The following MYLK variants were observed in gnomAD, a reference collection of about 807,000 sequenced individuals.
MYLK encodes myosin light chain kinase, smooth muscle.
MYLK carries 106 observed loss-of-function variants against 203.4 expected under a neutral mutation model. The ratio of observed to expected loss-of-function variants is 0.52; its 90% CI spans 0.45 to 0.61. MYLK has a LOEUF of 0.61. MYLK is among the 20% of genes least tolerant of loss of function. MYLK has a pLI of 0.00. For synonymous variants in MYLK, 867 were observed against 959.5 expected (o/e 0.90, Z 1.78); for missense variants, 2,072 against 2,442.3 (o/e 0.85, Z 3.20).
intron 24 of MYLK, among the ~76,000 whole-genome samples, chr3:123,653,984 T>TG (rs1191970021): frequency 6.5e-3 from 617 of 95,246 alleles, no homozygotes; most frequent in Non-Finnish European, 9.1e-3. Flanking sequence ...TTCAGAGGGA[T>TG]GTTGTGTGTG....
chr3:123,773,277 G>C (rs1457109629), intron 4 of MYLK, among the ~76,000 whole-genome samples: 2 of 151,534 alleles, frequency 1.3e-5, no homozygotes, highest in Admixed American at 6.6e-5. Flanking sequence ...TGTTACAATA[G>C]AAAAAAAAGA....
intron 14 of MYLK, 146 bp downstream of exon 14, chr3:123,709,610 G>T: frequency 2.0e-6 from 2 of 1,003,140 alleles, no homozygotes; most frequent in East Asian, 2.4e-5. Flanking sequence ...GAGGACAAGA[G>T]TCTCCATTTC....
At chr3:123,687,610 ACCTTCATT>A (rs2060504285) in intron 19 of MYLK, among the ~76,000 whole-genome samples, 2 of 135,978 alleles carry the variant, frequency 1.5e-5, no homozygotes, top group African/African-American at 2.9e-5. Context: ...CTTCCTTCCT[ACCTTCATT>A]CCTTCCTTCC....
intron 13 of MYLK, among the ~76,000 whole-genome samples, chr3:123,711,679 T>G (rs1454171085): frequency 6.6e-6 from 1 of 152,188 alleles, no homozygotes; most frequent in Non-Finnish European, 1.5e-5. Flanking sequence ...AATGCCATTT[T>G]AGCAATTTTT....
chr3:123,680,426 A>G (rs1233198283), intron 20 of MYLK, among the ~76,000 whole-genome samples: 1 of 152,070 alleles, frequency 6.6e-6, no homozygotes, highest in African/African-American at 2.4e-5. Context: ...TACATTCTCT[A>G]TCTCTTCTGC....
intron 13 of MYLK, 74 bp from the exon 14 acceptor site, chr3:123,709,967 T>C: frequency 6.3e-7 from 1 of 1,584,034 alleles, no homozygotes; most frequent in Non-Finnish European, 8.6e-7. Context: ...AATGACCACT[T>C]GGTACATGAC....
At chr3:123,724,671 A>G (rs2062214788) in intron 12 of MYLK, among the ~76,000 whole-genome samples, 1 of 152,176 alleles carries the variant, frequency 6.6e-6, no homozygotes, top group Non-Finnish European at 1.5e-5. Flanking sequence ...TACATCAATG[A>G]CGCAGACACA....
chr3:123,710,738 A>G (rs537758310), intron 13 of MYLK, among the ~76,000 whole-genome samples: 41 of 152,210 alleles, frequency 2.7e-4, no homozygotes, highest in Non-Finnish European at 5.3e-4. Flanking sequence ...CCTGAGAGAA[A>G]CGCAAGCACA....
At position 123,841,582 on chromosome 3, in the gene MYLK, C is replaced by T. The variant is rs973216342; in HGVS notation, c.-126-9912G>A. Among the ~76,000 whole-genome samples, 11 of 152,204 alleles carry T rather than the reference C, an allele frequency of 7.2e-5. No individual in the cohort carries two copies. In the East Asian group the frequency reaches 1.7e-3, roughly 24 times the overall value. ...TTCCTTTTTTTCCGTCTTCAGACAT[C>T]CTCTCTTAAAAATACCAACAATGAG... On this transcript the variant is annotated intron_variant, in intron 2 of 33. Coordinates refer to ENST00000360304, the MANE Select transcript of MYLK (RefSeq NM_053025.4).
chr3:123,666,085 G>T, intron 22 of MYLK, 134 bp downstream of exon 22: 1 of 1,388,052 alleles, frequency 7.2e-7, no homozygotes, highest in Non-Finnish European at 1.0e-6. Flanking sequence ...GATGGGTAGG[G>T]GAGTGGCCTC....
At chr3:123,663,092 GCTC>G (rs1204804669) in intron 23 of MYLK, among the ~76,000 whole-genome samples, 1 of 152,168 alleles carries the variant, frequency 6.6e-6, no homozygotes, top group Non-Finnish European at 1.5e-5. Flanking sequence ...CTCTCTGTCT[GCTC>G]CTCTGCCTGC....
chr3:123,877,312 G>A lies in MYLK; in HGVS notation c.-185-695C>T, dbSNP rs777865859. 7.2e-5 allele frequency among the ~76,000 whole-genome samples: 11 copies of A among 152,144 alleles called. No individual in the cohort carries two copies. In the South Asian group the frequency reaches 1.0e-3, roughly 14 times the overall value. ...GTTCTGTGTGAAACAGGGAGCCACC[G>A]GGGGTTCCTGAAGGTGGTGACACAG... On this transcript the variant is annotated intron_variant, in intron 1 of 33. Transcript: ENST00000360304.
At chr3:123,672,823 T>C (rs1459456436) in intron 20 of MYLK, among the ~76,000 whole-genome samples, 1 of 152,268 alleles carries the variant, frequency 6.6e-6, no homozygotes, top group Admixed American at 6.5e-5. Flanking sequence ...ATATTTTATA[T>C]GACCATCTGC....
chr3:123,812,358 T>A (rs2065590663), intron 3 of MYLK, among the ~76,000 whole-genome samples: 1 of 152,152 alleles, frequency 6.6e-6, no homozygotes, highest in Non-Finnish European at 1.5e-5. Flanking sequence ...TGGTACTTTC[T>A]CCCCCACTGA....
At chr3:123,839,908 C>T (rs2066552458) in intron 2 of MYLK, among the ~76,000 whole-genome samples, 1 of 151,990 alleles carries the variant, frequency 6.6e-6, no homozygotes, top group African/African-American at 2.4e-5. Flanking sequence ...TAACAAATTC[C>T]TAAAATGCTT....
intron 6 of MYLK, among the ~76,000 whole-genome samples, chr3:123,739,514 C>T (rs1576802530): frequency 6.6e-6 from 1 of 152,222 alleles, no homozygotes; most frequent in Non-Finnish European, 1.5e-5. Context: ...GAAGCCTGGG[C>T]TCCTGGAAGA....
At chr3:123,866,032 G>C (rs2148699896) in intron 2 of MYLK, among the ~76,000 whole-genome samples, 1 of 152,310 alleles carries the variant, frequency 6.6e-6, no homozygotes, top group East Asian at 1.9e-4. Flanking sequence ...TCTCAGTCTA[G>C]AAGCCAGGTG....
intron 2 of MYLK, among the ~76,000 whole-genome samples, chr3:123,853,058 C>A (rs531318220): frequency 3.8e-4 from 58 of 151,728 alleles, no homozygotes; most frequent in African/African-American, 1.4e-3. Flanking sequence ...CTTATCTTGT[C>A]AAAAAAGCTC....
chr3:123,733,576 C>T, intron 10 of MYLK, 111 bp downstream of exon 10: 4 of 1,372,472 alleles, frequency 2.9e-6, no homozygotes, highest in Non-Finnish European at 4.1e-6. Flanking sequence ...GGAGCTAGTC[C>T]AAGAAGATGA....
Sources: allele counts gnomAD v4.1 joint callset (sites outside exome capture counted in the v4.1 genomes callset), GRCh38; gene constraint gnomAD v4.1.1; transcripts MANE v1.5; gene names NCBI Gene and HGNC (gene_info 2026-07-23, HGNC 2026-07-21).